Variants in ERRFI1 observed in about 807,000 individuals in gnomAD.
The protein encoded by ERRFI1 is ERBB receptor feedback inhibitor 1, also known as mitogen-inducible gene 6 protein.
A neutral mutation model predicts 14.6 loss-of-function variants in ERRFI1; 12 were observed. The observed-to-expected ratio is 0.82, with a 90% CI of 0.53 to 1.33. The LOEUF (loss-of-function observed/expected upper bound fraction) is 1.33, where lower values mean the gene tolerates loss of function less well. Ranked by LOEUF, ERRFI1 falls within the 40% of genes most tolerant of loss-of-function variation. The pLI, the probability that ERRFI1 is intolerant of heterozygous loss-of-function variation, is 0.00. For missense variants in ERRFI1, 482 were observed against 572.1 expected, an observed-to-expected ratio of 0.84 and a Z score of 1.61; for synonymous variants, 202 against 209.9, an observed-to-expected ratio of 0.96 and a Z score of 0.32.
rs2124060939 is a variant in ERRFI1 at position 8,014,130 on chromosome 1, G to T, written c.469C>A (p.Pro157Thr). 6.2e-7 allele frequency: 1 copy of T among 1,614,200 alleles called. No homozygotes were observed. The highest frequency in any genetic ancestry group is 8.5e-7 in the Non-Finnish European group (1 of 1,180,032). ...TCCAGAGAGAGGGCTTCAGAGATTG[G>T]CAACGGTGGAAGAGGCCTAGAACCC... ...ERGSRPLPPL[P>T]ISEALSLDDT... The change falls in exon 4 of 4, where the codon CCA (proline) becomes ACA (threonine). Residue 157 changes from proline to threonine, a missense_variant. Coordinates refer to ENST00000377482, the MANE Select transcript of ERRFI1 (RefSeq NM_018948.4).
At chr1:8,025,364 G>T (rs941227432) in intron 1 of ERRFI1, among the ~76,000 whole-genome samples, 9 of 152,120 alleles carry the variant, frequency 5.9e-5, no homozygotes, top group Admixed American at 2.6e-4. Flanking sequence ...AAGCATTCAC[G>T]TCTTGAACAC....
intron 1 of ERRFI1, among the ~76,000 whole-genome samples, chr1:8,018,767 C>T (rs6688467): frequency 0.053 from 7,988 of 152,136 alleles, 696 homozygotes; most frequent in African/African-American, 0.18. Flanking sequence ...CTAAATTCAA[C>T]GAAAAAAGAA....
At position 8,014,047 on chromosome 1, in the gene ERRFI1, T is replaced by G; in HGVS notation, c.552A>C (p.Glu184Asp). 6.2e-7 allele frequency: 1 copy of G among 1,614,114 alleles called. No homozygotes were observed. Among genetic ancestry groups the G allele is most frequent in the Non-Finnish European group, 8.5e-7 (1 of 1,180,030 alleles). The change falls in exon 4 of 4, where the codon GAA becomes GAC. Residue 184 changes from glutamate (E) to aspartate (D), a missense_variant. Glu to Asp is a conservative substitution (Grantham distance 45). Transcript: ENST00000377482. Reference sequence around the variant, plus strand: ...ATTTGAAATCAGAAAGTGTAGAGTCTTCTAAAAGGAAGTCTGTATCTGAGC... The same window carrying G: ...ATTTGAAATCAGAAAGTGTAGAGTCGTCTAAAAGGAAGTCTGTATCTGAGC... ...LTSSDTDFLL[E>D]DSTLSDFKYD...
Position 8,014,412 on chromosome 1 carries a change from G to A in ERRFI1, c.203-16C>T. 1 of 1,538,642 alleles carries A rather than the reference G, an allele frequency of 6.5e-7. No homozygotes were observed. Among genetic ancestry groups the A allele is most frequent in the Non-Finnish European group, 8.7e-7 (1 of 1,144,368 alleles). ...GAAGCATGCCCTGGAATGAACGAGA[G>A]ATATTAATAAAAGATCAACAATCCT... On this transcript the variant is annotated splice_polypyrimidine_tract_variant and intron_variant, in intron 3 of 3. Transcript: ENST00000377482.
intron 1 of ERRFI1, among the ~76,000 whole-genome samples, chr1:8,025,852 C>G (rs980464558): frequency 6.6e-6 from 1 of 152,068 alleles, no homozygotes; most frequent in Admixed American, 6.5e-5. Context: ...CGAGGGGCCG[C>G]GCGACGACCA....
In ERRFI1 at chr1:8,014,412, G is replaced by T. The variant is rs150200905; in HGVS notation, c.203-16C>A. On this transcript the variant is annotated splice_polypyrimidine_tract_variant and intron_variant, in intron 3 of 3. Transcript: ENST00000377482. ...GAAGCATGCCCTGGAATGAACGAGA[G>T]ATATTAATAAAAGATCAACAATCCT... 99 of 1,538,642 alleles carry T rather than the reference G, an allele frequency of 6.4e-5. 1 individual carries two copies. The African/African-American group carries it at 1.0e-3, about 16-fold the overall frequency.
At chr1:8,023,594 TAA>T (rs1212052274) in intron 1 of ERRFI1, among the ~76,000 whole-genome samples, 2 of 152,356 alleles carry the variant, frequency 1.3e-5, no homozygotes, top group East Asian at 3.9e-4. Flanking sequence ...CCCCACATTT[TAA>T]AGACACATTC....
Position 8,012,897 on chromosome 1 carries a change from A to G in ERRFI1, c.*313T>C, listed in dbSNP as rs920278050. On this transcript the variant is annotated 3_prime_UTR_variant, in exon 4 of 4. Transcript: ENST00000377482. ...GTAACTAATTGGTTAACCTGCAGCT[A>G]TGGTCTATGGTTATACCACAAGTTT... 6.2e-6 allele frequency: 2 copies of G among 320,562 alleles called. No homozygotes were observed. The highest frequency in any genetic ancestry group is 2.1e-5 in the African/African-American group (1 of 47,836). The allele number at this position is 320,562 out of a possible 1,614,324, so 19.9% of individuals were successfully genotyped here.
At chr1:8,021,427 TAGC>T (rs1641272826) in intron 1 of ERRFI1, among the ~76,000 whole-genome samples, 1 of 152,108 alleles carries the variant, frequency 6.6e-6, no homozygotes, top group African/African-American at 2.4e-5. Flanking sequence ...TCCTACAGAG[TAGC>T]ACAATCAGTA....
chr1:8,021,508 T>C (rs1175492712), intron 1 of ERRFI1, among the ~76,000 whole-genome samples: 2 of 152,222 alleles, frequency 1.3e-5, no homozygotes, highest in African/African-American at 4.8e-5. Flanking sequence ...GATTATTTCT[T>C]ACTATAAAAG....
chr1:8,022,627 C>A (rs766109582), intron 1 of ERRFI1, among the ~76,000 whole-genome samples: 1 of 152,196 alleles, frequency 6.6e-6, no homozygotes, highest in Non-Finnish European at 1.5e-5. Flanking sequence ...ATAGTATCTT[C>A]ATTTTAGGCA....
Position 8,015,198 on chromosome 1 carries a change from G to C in ERRFI1, c.202+110C>G, listed in dbSNP as rs545922916. 91 of 943,582 alleles carry C rather than the reference G, an allele frequency of 9.6e-5. No homozygotes were observed. In the South Asian group the frequency reaches 1.2e-3, roughly 13 times the overall value. The allele number at this position is 943,582 out of a possible 1,614,324, so 58.5% of individuals were successfully genotyped here. ...GCCACTAGGGGTCAGGCTGTTGTTG[G>C]AAATAGTTCAGGTTTCCTCATTTAA... On this transcript the variant is annotated intron_variant, in intron 3 of 3. Coordinates refer to ENST00000377482, the MANE Select transcript of ERRFI1 (RefSeq NM_018948.4).
rs368008950 is a variant in ERRFI1, at chr1:8,013,920, C to G, written c.679G>C (p.Asp227His). ...GGATCTGGGACACCTCCATTTTGGT[C>G]AGACACATAGCTGAGATCTGCTGCA... is the stretch of plus-strand genomic sequence containing the variant. ...VSAADLSYVS[D>H]QNGGVPDPNP... The change falls in exon 4 of 4, where the codon GAC becomes CAC. Residue 227 changes from aspartate (D) to histidine (H), a missense_variant. Transcript: ENST00000377482. The surrounding 1 kb of genome is among the most constrained non-coding windows in gnomAD (Gnocchi z 4.3). The G allele has an allele frequency of 2.8e-5, 45 of 1,613,926 alleles. No homozygotes were observed. The highest frequency in any genetic ancestry group is 3.7e-5 in the Non-Finnish European group (44 of 1,180,022).
intron 1 of ERRFI1, among the ~76,000 whole-genome samples, chr1:8,025,408 A>T (rs1641329888): frequency 6.6e-6 from 1 of 152,228 alleles, no homozygotes; most frequent in African/African-American, 2.4e-5. Context: ...TCAAAGCCGT[A>T]CTTAAGACAC....
Position 8,012,916 on chromosome 1 carries a change from C to T in ERRFI1, c.*294G>A, listed in dbSNP as rs1047371737. 3.6e-5 allele frequency: 13 copies of T among 365,020 alleles called. No homozygotes were observed. Among genetic ancestry groups the T allele is most frequent in the African/African-American group, 2.6e-4 (13 of 49,164 alleles). The allele number at this position is 365,020 out of a possible 1,614,324, so 22.6% of individuals were successfully genotyped here. On this transcript the variant is annotated 3_prime_UTR_variant, in exon 4 of 4. Transcript: ENST00000377482. ...GCAGCTATGGTCTATGGTTATACCA[C>T]AAGTTTATATATAGGTATGTAATGT...
chr1:8,013,379 T>C lies in ERRFI1; in HGVS notation c.1220A>G (p.Tyr407Cys), dbSNP rs772570749. 6.2e-7 allele frequency: 1 copy of C among 1,614,194 alleles called. No individual in the cohort carries two copies. The highest frequency in any genetic ancestry group is 8.5e-7 in the Non-Finnish European group (1 of 1,180,040). ...LPERPPYLDK[Y>C]EKFFREAEET... ...TTCTGCTTCCCTAAAAAATTTTTCA[T>C]ATTTGTCCAGGTATGGTGGTCGTTC... is the stretch of plus-strand genomic sequence containing the variant. Residue 407 changes from tyrosine (Y) to cysteine (C), a missense_variant, in exon 4 of 4, where the codon TAT becomes TGT. Physicochemically the swap from Tyr to Cys is radical, Grantham distance 194. Transcript: ENST00000377482. The surrounding 1 kb of genome is among the most constrained non-coding windows in gnomAD (Gnocchi z 4.3).
rs997818065 is a variant in ERRFI1, at chr1:8,012,602, C to T, written c.*608G>A. ...CAACATGAAACCTGGAAGTATGAGG[C>T]CTTGGTATGATTTTTAACCTAAGCA... On this transcript the variant is annotated 3_prime_UTR_variant, in exon 4 of 4. Transcript: ENST00000377482. 1.8e-5 allele frequency: 4 copies of T among 226,892 alleles called. No homozygotes were observed. The highest frequency in any genetic ancestry group is 3.5e-5 in the Non-Finnish European group (4 of 114,150). The allele number at this position is 226,892 out of a possible 1,614,324, so 14.1% of individuals were successfully genotyped here.
At chr1:8,014,553 T>C in intron 3 of ERRFI1, 157 bp from the exon 4 acceptor site, 1 of 644,612 alleles carries the variant, frequency 1.6e-6, no homozygotes, top group East Asian at 2.7e-5. Context: ...CCACCACAGG[T>C]GTAATTAGAG....
At position 8,014,211 on chromosome 1, in the gene ERRFI1, G is replaced by C. The variant is rs747427201; in HGVS notation, c.388C>G (p.Leu130Val). ...GAAGGGGAGTTTTTTATGGGTGTCA[G>C]TGGAGGGGTGGAAGCACAAACCCCA... Reference protein sequence around the residue: ...VNGVCASTPPLTPIKNSPSLF... With the variant: ...VNGVCASTPPVTPIKNSPSLF... The change falls in exon 4 of 4, where the codon CTG (leucine) becomes GTG (valine). Residue 130 changes from leucine to valine, a missense_variant. Physicochemically the swap from Leu to Val is conservative, Grantham distance 32 (BLOSUM62 1). Coordinates refer to ENST00000377482, the MANE Select transcript of ERRFI1 (RefSeq NM_018948.4). 2 of 1,614,162 alleles carry C rather than the reference G, an allele frequency of 1.2e-6. No individual in the cohort carries two copies. Among genetic ancestry groups the C allele is most frequent in the South Asian group, 2.2e-5 (2 of 91,086 alleles).
Sources: allele counts gnomAD v4.1 joint callset (sites outside exome capture counted in the v4.1 genomes callset), GRCh38; gene constraint gnomAD v4.1.1; non-coding constraint Gnocchi (gnomAD v3.1); transcripts MANE v1.5; gene names NCBI Gene and HGNC (gene_info 2026-07-23, HGNC 2026-07-21).